The following KCNQ3 variants were observed in gnomAD, a reference collection of about 807,000 sequenced individuals.
The protein encoded by KCNQ3 is potassium voltage-gated channel subfamily KQT member 3.
In KCNQ3, 30 loss-of-function variants were observed where a neutral mutation model predicts 92.5. That is an observed-to-expected ratio of 0.32 (90% confidence interval 0.24 to 0.44). KCNQ3 has a LOEUF of 0.44. Ranked by LOEUF, KCNQ3 falls within the 20% of genes least tolerant of loss-of-function variation. The pLI, the probability that KCNQ3 is intolerant of heterozygous loss-of-function variation, is 1.00. For synonymous variants in KCNQ3, 450 were observed against 468.8 expected, an observed-to-expected ratio of 0.96 and a Z score of 0.52; for missense variants, 913 against 1,140.3, an observed-to-expected ratio of 0.80 and a Z score of 2.87.
At chr8:132,281,268 C>A (rs185729286) in intron 1 of KCNQ3, among the ~76,000 whole-genome samples, 25 of 152,286 alleles carry the variant, frequency 1.6e-4, no homozygotes, top group African/African-American at 5.1e-4. Flanking sequence ...ACACAGTTAA[C>A]TGGGAACTTA....
Position 132,277,920 on chromosome 8 carries a change from C to T in KCNQ3, c.387-91739G>A, listed in dbSNP as rs185413198. Reference sequence around the variant, plus strand: ...CTCTGCTTCCTGCTCCTACCTCCCTCTCCTTAGCTTCTCACTGCTTTCCAT... The same window carrying T: ...CTCTGCTTCCTGCTCCTACCTCCCTTTCCTTAGCTTCTCACTGCTTTCCAT... On this transcript the variant is annotated intron_variant, in intron 1 of 14. Transcript: ENST00000388996. 1.6e-4 allele frequency: 153 copies of T among 984,362 alleles called. 1 individual carries two copies. In the East Asian group the frequency reaches 0.01, roughly 67 times the overall value. 61.0% of individuals were successfully genotyped at this position (984,362 alleles called of 1,614,324 possible). A position where few individuals can be genotyped will look rare whatever the true frequency, so the allele number is the denominator to read the frequency against.
At chr8:132,363,470 G>C (rs975472704) in intron 1 of KCNQ3, among the ~76,000 whole-genome samples, 1 of 152,078 alleles carries the variant, frequency 6.6e-6, no homozygotes, top group African/African-American at 2.4e-5. Context: ...AGGGGAGAGG[G>C]TGTCAAAAGT....
intron 9 of KCNQ3, among the ~76,000 whole-genome samples, chr8:132,146,399 A>G (rs1825446882): frequency 6.6e-6 from 1 of 152,226 alleles, no homozygotes; most frequent in South Asian, 2.1e-4. Flanking sequence ...GACAAATACT[A>G]TATGATTCCA....
Position 132,467,454 on chromosome 8 carries a change from A to G in KCNQ3, c.386+12693T>C, listed in dbSNP as rs1053703688. On this transcript the variant is annotated intron_variant, in intron 1 of 14. Coordinates refer to ENST00000388996, the MANE Select transcript of KCNQ3 (RefSeq NM_004519.4). ...AATGCCCCAACTCAAGGCTGAGCTC[A>G]GTGGAGTCCAGAGACTATTTTATAG... Among the ~76,000 whole-genome samples, 8 of 152,314 alleles carry G rather than the reference A, an allele frequency of 5.3e-5. No homozygotes were observed. In the East Asian group the frequency reaches 1.4e-3, roughly 26 times the overall value.
At chr8:132,369,219 G>A (rs1011121636) in intron 1 of KCNQ3, among the ~76,000 whole-genome samples, 2 of 152,118 alleles carry the variant, frequency 1.3e-5, no homozygotes, top group East Asian at 3.9e-4. Context: ...TTGTTCACCT[G>A]GCTGGGGTTG....
At chr8:132,171,563 G>A (rs1202736945) in intron 7 of KCNQ3, among the ~76,000 whole-genome samples, 1 of 152,208 alleles carries the variant, frequency 6.6e-6, no homozygotes. Flanking sequence ...GAGATGGAAG[G>A]CTGGCAGGTG....
chr8:132,477,800 T>C (rs1822450522), intron 1 of KCNQ3, among the ~76,000 whole-genome samples: 1 of 152,272 alleles, frequency 6.6e-6, no homozygotes, highest in South Asian at 2.1e-4. Context: ...CTCATGGCCC[T>C]GCATTAACAA....
intron 9 of KCNQ3, among the ~76,000 whole-genome samples, chr8:132,156,610 T>C (rs184991939): frequency 6.6e-6 from 1 of 152,262 alleles, no homozygotes; most frequent in Admixed American, 6.5e-5. Context: ...AAATCTTTCA[T>C]AAATATCTAT....
At chr8:132,349,480 A>G (rs1169079719) in intron 1 of KCNQ3, among the ~76,000 whole-genome samples, 1 of 152,228 alleles carries the variant, frequency 6.6e-6, no homozygotes. Context: ...GACAAAGCGG[A>G]CTTCCCTGTT....
chr8:132,217,949 T>C (rs1814095674), intron 1 of KCNQ3, among the ~76,000 whole-genome samples: 1 of 152,198 alleles, frequency 6.6e-6, no homozygotes, highest in South Asian at 2.1e-4. Flanking sequence ...AAACAGTTTG[T>C]TCTCCTAAGG....
intron 1 of KCNQ3, among the ~76,000 whole-genome samples, chr8:132,444,847 G>A (rs992783693): frequency 6.6e-6 from 1 of 152,194 alleles, no homozygotes; most frequent in Non-Finnish European, 1.5e-5. Flanking sequence ...ATAAAATAAA[G>A]AGAATAATAA....
intron 1 of KCNQ3, among the ~76,000 whole-genome samples, chr8:132,214,305 C>T (rs1813957096): frequency 1.3e-5 from 2 of 152,228 alleles, no homozygotes; most frequent in African/African-American, 4.8e-5. Context: ...CCTCCTGCAA[C>T]TGAAGATGAT....
chr8:132,379,225 A>G (rs1819682805), intron 1 of KCNQ3, among the ~76,000 whole-genome samples: 1 of 152,248 alleles, frequency 6.6e-6, no homozygotes, highest in African/African-American at 2.4e-5. Context: ...CCTATTTGCA[A>G]GTACTTTATC....
intron 8 of KCNQ3, among the ~76,000 whole-genome samples, chr8:132,164,953 T>C (rs1826099571): frequency 6.6e-6 from 1 of 152,272 alleles, no homozygotes; most frequent in African/African-American, 2.4e-5. Flanking sequence ...TTTGTGCCAA[T>C]GGATGAAGGG....
At chr8:132,280,251 C>T (rs1327012821) in intron 1 of KCNQ3, among the ~76,000 whole-genome samples, 6 of 152,038 alleles carry the variant, frequency 3.9e-5, no homozygotes, top group South Asian at 2.1e-4. Context: ...TCCATTCTTG[C>T]GCTGCTATAA....
intron 1 of KCNQ3, among the ~76,000 whole-genome samples, chr8:132,436,695 C>CT (rs1488122272): frequency 6.6e-6 from 1 of 152,154 alleles, no homozygotes. Context: ...TTTCTCCACA[C>CT]TTTTAAAGAC....
chr8:132,302,817 C>T (rs1817263125), intron 1 of KCNQ3, among the ~76,000 whole-genome samples: 1 of 152,198 alleles, frequency 6.6e-6, no homozygotes, highest in Admixed American at 6.5e-5. Context: ...CAAGACCTCT[C>T]AGCATGGTGG....
At chr8:132,134,248 C>T (rs754702189) in intron 13 of KCNQ3, 42 bp downstream of exon 13, 5 of 1,496,002 alleles carry the variant, frequency 3.3e-6, no homozygotes, top group Admixed American at 1.7e-5. Context: ...GCTTTACAAA[C>T]TTTGCACCCC....
intron 1 of KCNQ3, among the ~76,000 whole-genome samples, chr8:132,227,664 C>A (rs932056220): frequency 7.2e-5 from 11 of 152,228 alleles, no homozygotes; most frequent in African/African-American, 2.4e-4. Context: ...GGTGACTACA[C>A]TGGCGGTGCC....
Sources: gnomAD v4.1 joint callset for allele counts (sites outside exome capture counted in the v4.1 genomes callset) on GRCh38, gnomAD v4.1.1 for gene constraint, MANE v1.5 for transcripts, NCBI Gene and HGNC (gene_info 2026-07-23, HGNC 2026-07-21) for gene names.